ZFYVE16: variants seen among roughly 807,000 people sequenced by gnomAD.
ZFYVE16 encodes zinc finger FYVE domain-containing protein 16.
ZFYVE16 carries 89 observed loss-of-function variants against 138.1 expected under a neutral mutation model. The ratio of observed to expected loss-of-function variants is 0.64; its 90% CI spans 0.54 to 0.77. ZFYVE16 has a LOEUF of 0.77. Ranked by LOEUF, ZFYVE16 falls within the 30% of genes least tolerant of loss-of-function variation. ZFYVE16 has a pLI of 0.00. For synonymous variants in ZFYVE16, 596 were observed against 618.3 expected, an observed-to-expected ratio of 0.96 and a Z score of 0.53; for missense variants, 1,793 against 1,786.7, an observed-to-expected ratio of 1.00 and a Z score of -0.06.
Position 80,438,339 on chromosome 5 carries a change from G to A in ZFYVE16, c.1654G>A (p.Glu552Lys), listed in dbSNP as rs754005857. Residue 552 changes from glutamate to lysine, a missense_variant, in exon 4 of 19, where the codon GAA becomes AAA. By Grantham distance (56) the Glu-to-Lys change is moderately conservative (BLOSUM62 1). Coordinates refer to ENST00000505560, the MANE Select transcript of ZFYVE16 (RefSeq NM_001284236.3). ...LQTTNIKSFE[E>K]NVNDSKSQMN... ...GACCACTAACATAAAGTCTTTTGAA[G>A]AAAATGTAAATGACTCTAAATCGCA... 4 of 1,613,488 alleles carry A rather than the reference G, an allele frequency of 2.5e-6. No homozygotes were observed. The Admixed American group carries it at 5.0e-5, about 20-fold the overall frequency.
intron 11 of ZFYVE16, 179 bp downstream of exon 11, chr5:80,451,888 T>C (rs1752021917): frequency 7.1e-6 from 4 of 564,704 alleles, no homozygotes; most frequent in Non-Finnish European, 1.2e-5. Flanking sequence ...AACTGTGGTA[T>C]GTCTTCAAGT....
At chr5:80,439,402 A>C (rs996138715) in intron 4 of ZFYVE16, among the ~76,000 whole-genome samples, 10 of 152,142 alleles carry the variant, frequency 6.6e-5, no homozygotes, top group African/African-American at 2.4e-4. Context: ...ATGCCCAGGG[A>C]AACACTCCAG....
intron 2 of ZFYVE16, among the ~76,000 whole-genome samples, chr5:80,433,270 A>T (rs1749363556): frequency 6.6e-6 from 1 of 152,260 alleles, no homozygotes; most frequent in Admixed American, 6.5e-5. Context: ...AAAGAGGATG[A>T]GTTCATGTCA....
Position 80,482,457 on chromosome 5 carries a change from GC to G in ZFYVE16, c.*5083del, listed in dbSNP as rs1755306686. ...ACAGTCTAATATTCATGTCTTAGGA[GC>G]CCAGAAAGAACAATTGGAAGAAAAA... On this transcript the variant is annotated 3_prime_UTR_variant, in exon 19 of 19. Transcript: ENST00000505560. 6.6e-6 allele frequency: 1 copy of G among 152,084 alleles called. No individual in the cohort carries two copies. The highest frequency in any genetic ancestry group is 2.4e-5 in the African/African-American group (1 of 41,420). 9.4% of individuals were successfully genotyped at this position (152,084 alleles called of 1,614,324 possible). A position where few individuals can be genotyped will look rare whatever the true frequency, so the allele number is the denominator to read the frequency against.
At chr5:80,429,832 A>T (rs1031801624) in intron 2 of ZFYVE16, among the ~76,000 whole-genome samples, 2 of 48,926 alleles carry the variant, frequency 4.1e-5, no homozygotes, top group South Asian at 1.2e-3. Flanking sequence ...AACAAAGATC[A>T]AAAGAGACAA....
intron 6 of ZFYVE16, 77 bp from the exon 7 acceptor site, chr5:80,445,186 C>A: frequency 6.5e-7 from 1 of 1,528,668 alleles, no homozygotes. Context: ...CTTTTGAAAA[C>A]ATTTCACAAT....
intron 15 of ZFYVE16, among the ~76,000 whole-genome samples, chr5:80,462,057 AG>A (rs1015974852): frequency 1.3e-5 from 2 of 152,194 alleles, no homozygotes; most frequent in South Asian, 2.1e-4. Flanking sequence ...AACTCCTTAA[AG>A]GCCCAACTCC....
intron 1 of ZFYVE16, among the ~76,000 whole-genome samples, chr5:80,424,991 A>G (rs1160491000): frequency 6.6e-6 from 1 of 152,116 alleles, no homozygotes; most frequent in African/African-American, 2.4e-5. Context: ...TGGCTGTTCT[A>G]TCTTTGGGGT....
intron 2 of ZFYVE16, among the ~76,000 whole-genome samples, chr5:80,428,939 A>G (rs1178938041): frequency 6.6e-6 from 1 of 152,242 alleles, no homozygotes; most frequent in Non-Finnish European, 1.5e-5. Flanking sequence ...AAAGCCTCCA[A>G]GAAACATGGG....
intron 5 of ZFYVE16, chr5:80,440,260 A>T: frequency 8.6e-7 from 1 of 1,156,752 alleles, no homozygotes. Context: ...GTGGCAGTTC[A>T]TTAACTTTTA....
At chr5:80,412,883 A>G (rs1745653308) in intron 1 of ZFYVE16, among the ~76,000 whole-genome samples, 1 of 152,246 alleles carries the variant, frequency 6.6e-6, no homozygotes, top group African/African-American at 2.4e-5. Flanking sequence ...AAGGATTATA[A>G]TGAAAAACTG....
At chr5:80,467,556 T>C (rs1753869101) in intron 15 of ZFYVE16, among the ~76,000 whole-genome samples, 1 of 152,214 alleles carries the variant, frequency 6.6e-6, no homozygotes, top group African/African-American at 2.4e-5. Context: ...AGTGACTACA[T>C]ATGTATGACA....
intron 1 of ZFYVE16, among the ~76,000 whole-genome samples, chr5:80,418,922 AAT>A (rs750338037): frequency 3.9e-5 from 6 of 152,136 alleles, no homozygotes; most frequent in Non-Finnish European, 8.8e-5. Flanking sequence ...ACCCACTTTG[AAT>A]ATGTTTTTAT....
chr5:80,453,617 T>G (rs1475569754), intron 11 of ZFYVE16, among the ~76,000 whole-genome samples: 1 of 152,204 alleles, frequency 6.6e-6, no homozygotes, highest in Admixed American at 6.5e-5. Flanking sequence ...TCACCTCAGC[T>G]GTTTTCTGAA....
intron 2 of ZFYVE16, among the ~76,000 whole-genome samples, chr5:80,433,285 T>C (rs1305108490): frequency 2.0e-5 from 3 of 152,140 alleles, no homozygotes; most frequent in Non-Finnish European, 4.4e-5. Flanking sequence ...ATGTCATTTG[T>C]AGGGACATGG....
chr5:80,452,010 G>T, intron 11 of ZFYVE16: 1 of 262,270 alleles, frequency 3.8e-6, no homozygotes, highest in Admixed American at 5.1e-5. Context: ...GAAATGTATT[G>T]GATCAGTTTT....
intron 15 of ZFYVE16, among the ~76,000 whole-genome samples, chr5:80,471,515 C>T (rs1042930334): frequency 6.6e-6 from 1 of 152,214 alleles, no homozygotes; most frequent in Non-Finnish European, 1.5e-5. Flanking sequence ...CTAAATCCCT[C>T]ACTAAGCTAC....
In ZFYVE16 at chr5:80,417,480, C is replaced by T. The variant is rs555653646; in HGVS notation, c.-94+9327C>T. On this transcript the variant is annotated intron_variant, in intron 1 of 18. Coordinates refer to ENST00000505560, the MANE Select transcript of ZFYVE16 (RefSeq NM_001284236.3). ...CCATTACTACCCTAAAAAGTCTGTG[C>T]TTCACATATCCAACTCTCCCCCACT... 8.5e-4 allele frequency among the ~76,000 whole-genome samples: 129 copies of T among 152,298 alleles called. 1 individual carries two copies. The highest frequency in any genetic ancestry group is 3.1e-3 in the African/African-American group (127 of 41,558).
At chr5:80,432,192 AG>A (rs1487268260) in intron 2 of ZFYVE16, among the ~76,000 whole-genome samples, 3 of 152,230 alleles carry the variant, frequency 2.0e-5, no homozygotes, top group Non-Finnish European at 4.4e-5. Flanking sequence ...CTATACTACA[AG>A]GCTACAGTAA....
Sources: gnomAD v4.1 joint callset for allele counts (sites outside exome capture counted in the v4.1 genomes callset) on GRCh38, gnomAD v4.1.1 for gene constraint, MANE v1.5 for transcripts, NCBI Gene and HGNC (gene_info 2026-07-23, HGNC 2026-07-21) for gene names.